The following SPTSSA variants were observed in gnomAD, a reference collection of about 807,000 sequenced individuals.
SPTSSA encodes small subunit of serine palmitoyltransferase A.
A neutral mutation model predicts 9.1 loss-of-function variants in SPTSSA; 8 were observed. The observed-to-expected ratio is 0.88, with a 90% CI of 0.51 to 1.58. SPTSSA has a LOEUF of 1.58. Ranked by LOEUF, SPTSSA falls within the 40% of genes most tolerant of loss-of-function variation. The pLI, the probability that SPTSSA is intolerant of heterozygous loss-of-function variation, is 0.00. For missense variants in SPTSSA, 100 were observed against 93.8 expected, an observed-to-expected ratio of 1.07 and a Z score of -0.27; for synonymous variants, 42 against 37.7, an observed-to-expected ratio of 1.11 and a Z score of -0.41.
chr14:34,461,113 A>G (rs1878607433), intron 1 of SPTSSA, among the ~76,000 whole-genome samples: 1 of 152,216 alleles, frequency 6.6e-6, no homozygotes, highest in Non-Finnish European at 1.5e-5. Context: ...ACTAAACCAC[A>G]CTGAAAAGGA....
intron 1 of SPTSSA, among the ~76,000 whole-genome samples, chr14:34,441,228 G>C (rs898400810): frequency 1.3e-5 from 2 of 152,306 alleles, no homozygotes; most frequent in Admixed American, 1.3e-4. Flanking sequence ...ATAGGGTCTG[G>C]AGGCAGGGAA....
intron 1 of SPTSSA, among the ~76,000 whole-genome samples, chr14:34,449,883 T>C (rs1030473803): frequency 5.9e-5 from 9 of 152,196 alleles, no homozygotes; most frequent in African/African-American, 1.9e-4. Flanking sequence ...CGGCTATAAT[T>C]TGCTATCTGG....
At chr14:34,458,415 C>T (rs115901713) in intron 1 of SPTSSA, among the ~76,000 whole-genome samples, 1,749 of 152,212 alleles carry the variant, frequency 0.011, 36 homozygotes, top group African/African-American at 0.04. Context: ...CATTCCTGGA[C>T]TCCAGCTATC....
chr14:34,451,007 G>A (rs1157965823), intron 1 of SPTSSA, among the ~76,000 whole-genome samples: 1 of 149,402 alleles, frequency 6.7e-6, no homozygotes, highest in Non-Finnish European at 1.5e-5. Flanking sequence ...CAGCAAGCTA[G>A]GAAAGAAATA....
chr14:34,450,807 G>A (rs147269313), intron 1 of SPTSSA, among the ~76,000 whole-genome samples: 154 of 152,280 alleles, frequency 1.0e-3, no homozygotes, highest in African/African-American at 3.6e-3. Flanking sequence ...AGGATACTGT[G>A]CAGGTGCTGA....
At chr14:34,454,170 G>A (rs1219778055) in intron 1 of SPTSSA, among the ~76,000 whole-genome samples, 4 of 151,856 alleles carry the variant, frequency 2.6e-5, no homozygotes, top group East Asian at 1.9e-4. Context: ...GGGCAACAGA[G>A]CAAGACCCTG....
intron 1 of SPTSSA, among the ~76,000 whole-genome samples, chr14:34,451,717 CAAA>C (rs35096900): frequency 2.5e-3 from 194 of 77,186 alleles, no homozygotes; most frequent in African/African-American, 7.3e-3. Flanking sequence ...GACTCTGTTT[CAAA>C]AAAAAAAAAA....
intron 1 of SPTSSA, among the ~76,000 whole-genome samples, chr14:34,453,799 T>C (rs1883566332): frequency 6.6e-6 from 1 of 151,948 alleles, no homozygotes; most frequent in Non-Finnish European, 1.5e-5. Flanking sequence ...TTCCAATTTA[T>C]AAAAAGTATA....
rs945842488 is a variant in SPTSSA, at chr14:34,456,945, T to C, written c.112+5151A>G. ...AAGATTAAAATAGCACACTTCTGATTCAAATTATTATTATTATTATTATTA... is the reference window on the plus strand; with the variant it reads ...AAGATTAAAATAGCACACTTCTGATCCAAATTATTATTATTATTATTATTA... On this transcript the variant is annotated intron_variant, in intron 1 of 1. Transcript: ENST00000298130. Among the ~76,000 whole-genome samples the C allele has an allele frequency of 6.2e-5, 9 of 145,672 alleles. No homozygotes were observed. In the Admixed American group the frequency reaches 6.2e-4, roughly 10 times the overall value.
rs145529837 is a variant in SPTSSA at position 34,454,682 on chromosome 14, G to A, written c.112+7414C>T. The stretch of plus-strand genomic sequence containing the variant: ...CGGTTAAAGGTGGTCTGCTTCCACC[G>A]TACTCCCAGAGCTTGATCTGTCTGA... On this transcript the variant is annotated intron_variant, in intron 1 of 1. Transcript: ENST00000298130. 1.3e-3 allele frequency among the ~76,000 whole-genome samples: 200 copies of A among 152,260 alleles called. 1 individual carries two copies. Among genetic ancestry groups the A allele is most frequent in the African/African-American group, 4.2e-3 (175 of 41,550 alleles).
chr14:34,436,969 C>T (rs1228375835), intron 1 of SPTSSA, among the ~76,000 whole-genome samples: 3 of 151,666 alleles, frequency 2.0e-5, no homozygotes, highest in African/African-American at 7.3e-5. Context: ...AAAATATATA[C>T]ATTTGCTGCT....
At chr14:34,445,227 G>A (rs1233454892) in intron 1 of SPTSSA, among the ~76,000 whole-genome samples, 1 of 151,848 alleles carries the variant, frequency 6.6e-6, no homozygotes, top group Non-Finnish European at 1.5e-5. Context: ...TCTAGGCCAG[G>A]CACAGGGGCT....
intron 1 of SPTSSA, among the ~76,000 whole-genome samples, chr14:34,451,852 G>A (rs1883533503): frequency 6.6e-6 from 1 of 151,956 alleles, no homozygotes; most frequent in African/African-American, 2.4e-5. Context: ...ATCATATGCT[G>A]TTTACTGAAA....
At chr14:34,443,772 G>A (rs531936365) in intron 1 of SPTSSA, among the ~76,000 whole-genome samples, 122 of 152,088 alleles carry the variant, frequency 8.0e-4, no homozygotes, top group South Asian at 2.5e-3. Flanking sequence ...CTGACCTCAG[G>A]GGATCCACCT....
At chr14:34,451,648 G>A (rs112398917) in intron 1 of SPTSSA, among the ~76,000 whole-genome samples, 42 of 151,368 alleles carry the variant, frequency 2.8e-4, no homozygotes, top group African/African-American at 6.1e-4. Context: ...GCGTGAACTC[G>A]GGAGGCGGAG....
At chr14:34,453,549 A>G (rs922206900) in intron 1 of SPTSSA, among the ~76,000 whole-genome samples, 1 of 152,346 alleles carries the variant, frequency 6.6e-6, no homozygotes, top group East Asian at 1.9e-4. Flanking sequence ...AGTGAAGCTG[A>G]GCTGCCTGCC....
At chr14:34,451,593 G>A (rs1018751367) in intron 1 of SPTSSA, among the ~76,000 whole-genome samples, 2 of 151,950 alleles carry the variant, frequency 1.3e-5, no homozygotes, top group Admixed American at 6.6e-5. Flanking sequence ...CGCGGTGGCG[G>A]GCGCCTGTAG....
At chr14:34,436,536 A>T (rs576436331) in intron 1 of SPTSSA, among the ~76,000 whole-genome samples, 9 of 152,208 alleles carry the variant, frequency 5.9e-5, no homozygotes, top group African/African-American at 2.2e-4. Flanking sequence ...TATACATACT[A>T]TTATTTTTAA....
intron 1 of SPTSSA, among the ~76,000 whole-genome samples, chr14:34,460,526 T>A (rs1418584568): frequency 6.6e-6 from 1 of 152,202 alleles, no homozygotes; most frequent in Non-Finnish European, 1.5e-5. Context: ...AGAAAAATCT[T>A]AACATCATTG....
Sources: allele counts gnomAD v4.1 joint callset (sites outside exome capture counted in the v4.1 genomes callset), GRCh38; gene constraint gnomAD v4.1.1; transcripts MANE v1.5; gene names NCBI Gene and HGNC (gene_info 2026-07-23, HGNC 2026-07-21).